Variants in TCIRG1 observed in about 807,000 individuals in gnomAD.
TCIRG1 encodes T cell immune regulator 1, ATPase H+ transporting V0 subunit a3.
TCIRG1 carries 86 observed loss-of-function variants against 95.5 expected under a neutral mutation model. The ratio of observed to expected loss-of-function variants is 0.90; its 90% CI spans 0.76 to 1.08. The LOEUF is 1.08. Ranked by LOEUF, TCIRG1 falls within the 50% of genes least tolerant of loss-of-function variation. The pLI, the probability that TCIRG1 is intolerant of heterozygous loss-of-function variation, is 0.00. For synonymous variants in TCIRG1, 499 were observed against 501.3 expected (o/e 1.00, Z 0.06); for missense variants, 1,069 against 1,140.2 (o/e 0.94, Z 0.90).
chr11:68,042,498 G>T, intron 3 of TCIRG1, 145 bp from the exon 4 acceptor site: 1 of 681,374 alleles, frequency 1.5e-6, no homozygotes. Context: ...CACAGCTTCT[G>T]GATGAAAGTT....
chr11:68,053,539 C>G (rs964955011), downstream of TCIRG1: 3 of 156,578 alleles, frequency 1.9e-5, no homozygotes, highest in African/African-American at 7.2e-5. Flanking sequence ...CTTGCTGTCC[C>G]TTGGGAGTGA....
Position 68,042,796 on chromosome 11 carries a change from C to A in TCIRG1, c.350C>A (p.Ala117Asp). ...CGGGATGTGCGGGGCAACCAGCAGGCCCTGCGGGCCCAGCTGCACCAGCTG... is the reference window on the plus strand; with the variant it reads ...CGGGATGTGCGGGGCAACCAGCAGGACCTGCGGGCCCAGCTGCACCAGCTG... ...ELRDVRGNQQ[A>D]LRAQLHQLQL... The change falls in exon 4 of 20, where the codon GCC becomes GAC. Residue 117 changes from alanine to aspartate, a missense_variant. By Grantham distance (126) the Ala-to-Asp change is moderately radical. Coordinates refer to ENST00000265686, the MANE Select transcript of TCIRG1 (RefSeq NM_006019.4). The A allele has an allele frequency of 6.5e-7, 1 of 1,548,332 alleles. No individual in the cohort carries two copies. The highest frequency in any genetic ancestry group is 8.7e-7 in the Non-Finnish European group (1 of 1,146,392).
At chr11:68,046,438 G>C (rs921699292) in intron 10 of TCIRG1, among the ~76,000 whole-genome samples, 3 of 152,184 alleles carry the variant, frequency 2.0e-5, no homozygotes, top group African/African-American at 7.2e-5. Context: ...TCCTGGGCTT[G>C]GAGCGGCCGT....
In TCIRG1 at chr11:68,039,077, C is replaced by A. The variant is rs955322645; in HGVS notation, c.-47C>A. On this transcript the variant is annotated 5_prime_UTR_variant, in exon 1 of 20. Coordinates refer to ENST00000265686, the MANE Select transcript of TCIRG1 (RefSeq NM_006019.4). The stretch of plus-strand genomic sequence containing the variant: ...TGAGTCCCGCCCGGCGTGCGCGGAG[C>A]GGGGCAGCCAGCAGCGGAGGCGCGG... 2.0e-5 allele frequency: 3 copies of A among 152,286 alleles called. No individual in the cohort carries two copies. The highest frequency in any genetic ancestry group is 7.2e-5 in the African/African-American group (3 of 41,448). 9.4% of individuals were successfully genotyped at this position (152,286 alleles called of 1,614,324 possible). A position where few individuals can be genotyped will look rare whatever the true frequency, so the allele number is the denominator to read the frequency against.
rs757800460 is a variant in TCIRG1, at chr11:68,050,584, C to T, written c.2334C>T (p.Ala778=). The T allele has an allele frequency of 3.4e-5, 55 of 1,613,446 alleles. No individual in the cohort carries two copies. In the Middle Eastern group the frequency reaches 4.9e-4, roughly 14 times the overall value. Residue 778 remains alanine (A), a synonymous_variant, in exon 19 of 20, where the codon GCC becomes GCT. Transcript: ENST00000265686. The stretch of plus-strand genomic sequence containing the variant: ...CTGTGGTGCTGGTCCCCATCTTTGC[C>T]GCCTTTGCCGTGATGACCGTGGCTA... The part of the protein sequence containing the change: ...VAAVVLVPIF[A]AFAVMTVAIL...
downstream of TCIRG1, among the ~76,000 whole-genome samples, chr11:68,051,919 G>C (rs905545411): frequency 6.6e-6 from 1 of 152,162 alleles, no homozygotes; most frequent in African/African-American, 2.4e-5. Context: ...TTTAGGAGGG[G>C]TGCAGTGTGG....
At chr11:68,043,543 C>T (rs1855288910) in intron 6 of TCIRG1, 28 bp from the exon 7 acceptor site, 1 of 1,597,804 alleles carries the variant, frequency 6.3e-7, no homozygotes, top group Non-Finnish European at 8.5e-7. Context: ...AGAGCGGGAC[C>T]CCAGAGTCAG....
In TCIRG1 at chr11:68,042,637, G is replaced by T. The variant is rs1207570949; in HGVS notation, c.197-6G>T. The T allele has an allele frequency of 1.3e-6, 2 of 1,547,188 alleles. No individual in the cohort carries two copies. The highest frequency in any genetic ancestry group is 2.4e-5 in the East Asian group (1 of 40,900). On this transcript the variant is annotated splice_polypyrimidine_tract_variant and splice_region_variant and intron_variant, in intron 3 of 19. Coordinates refer to ENST00000265686, the MANE Select transcript of TCIRG1 (RefSeq NM_006019.4). ...CTGCACCCCACTCCCGTTCCTCTGCGCCCAGCCTTCCTGCAGGAGGAGGTG... is the reference window on the plus strand; with the variant it reads ...CTGCACCCCACTCCCGTTCCTCTGCTCCCAGCCTTCCTGCAGGAGGAGGTG...
downstream of TCIRG1, among the ~76,000 whole-genome samples, chr11:68,051,645 C>T (rs1855799635): frequency 6.6e-6 from 1 of 152,216 alleles, no homozygotes; most frequent in South Asian, 2.1e-4. Flanking sequence ...TTGCTCAGGA[C>T]CTCTGGATGC....
At chr11:68,039,309 G>A (rs955457225) in intron 1 of TCIRG1, among the ~76,000 whole-genome samples, 190 bp downstream of exon 1, 6 of 152,098 alleles carry the variant, frequency 3.9e-5, no homozygotes, top group Non-Finnish European at 7.4e-5. Flanking sequence ...GAAGGATGGG[G>A]TGTTTACCAA....
At position 68,042,666 on chromosome 11, in the gene TCIRG1, C is replaced by T. The variant is rs780788680; in HGVS notation, c.220C>T (p.Arg74Trp). ...AGCCTTCCTGCAGGAGGAGGTGCGG[C>T]GGGCTGGGCTGGTCCTGCCCCCGCC... The part of the protein sequence containing the change: ...TFTFLQEEVR[R>W]AGLVLPPPKG... Residue 74 changes from arginine to tryptophan, a missense_variant, in exon 4 of 20, where the codon CGG (arginine) becomes TGG (tryptophan). Transcript: ENST00000265686. 44 of 1,546,960 alleles carry T rather than the reference C, an allele frequency of 2.8e-5. No homozygotes were observed. The highest frequency in any genetic ancestry group is 8.2e-5 in the African/African-American group (6 of 72,922).
chr11:68,047,855 T>C, intron 12 of TCIRG1, 27 bp from the exon 13 acceptor site: 1 of 1,613,084 alleles, frequency 6.2e-7, no homozygotes, highest in Non-Finnish European at 8.5e-7. Flanking sequence ...CCCGCAGCCC[T>C]GACCGCCCTC....
intron 11 of TCIRG1, 24 bp downstream of exon 11, chr11:68,047,596 G>A: frequency 1.2e-6 from 2 of 1,613,156 alleles, no homozygotes; most frequent in African/African-American, 1.3e-5. Context: ...CTGGGGTCCT[G>A]ATGAGGGTAG....
chr11:68,043,718 C>T (rs1026306516), intron 7 of TCIRG1, 65 bp downstream of exon 7: 6 of 1,542,138 alleles, frequency 3.9e-6, no homozygotes, highest in Non-Finnish European at 4.4e-6. Flanking sequence ...ACCTCCCAGC[C>T]CGCCCTATCG....
chr11:68,048,817 G>T (rs771982882), intron 13 of TCIRG1, 62 bp from the exon 14 acceptor site: 5 of 1,207,504 alleles, frequency 4.1e-6, no homozygotes, highest in Non-Finnish European at 6.1e-6. Flanking sequence ...TCGGGCCGGG[G>T]ACTTCCTGGC....
intron 13 of TCIRG1, 122 bp from the exon 14 acceptor site, chr11:68,048,757 G>A: frequency 2.4e-6 from 2 of 828,282 alleles, no homozygotes; most frequent in Non-Finnish European, 4.2e-6. Context: ...GGTGGGTGAT[G>A]GATGAGGCTG....
In TCIRG1 at chr11:68,043,365, C is replaced by A. The variant is rs1028394725; in HGVS notation, c.504-6C>A. The A allele has an allele frequency of 1.1e-5, 17 of 1,540,026 alleles. No homozygotes were observed. Among genetic ancestry groups the A allele is most frequent in the Non-Finnish European group, 1.1e-5 (13 of 1,146,486 alleles). The stretch of plus-strand genomic sequence containing the variant: ...GAGCAGCCCTGCCCAGCCCCGTGGC[C>A]GCCAGCTTTGTGGCAGGTGCCGTGG... On this transcript the variant is annotated splice_polypyrimidine_tract_variant and splice_region_variant and intron_variant, in intron 5 of 19. Transcript: ENST00000265686.
Position 68,042,692 on chromosome 11 carries a change from A to C in TCIRG1, c.246A>C (p.Pro82=). 1 of 1,545,546 alleles carries C rather than the reference A, an allele frequency of 6.5e-7. No homozygotes were observed. ...VRRAGLVLPP[P]KGRLPAPPPR... ...GGGCTGGGCTGGTCCTGCCCCCGCC[A>C]AAGGGGAGGCTGCCGGCACCCCCAC... is the stretch of plus-strand genomic sequence containing the variant. Residue 82 remains proline (P), a synonymous_variant, in exon 4 of 20, where the codon CCA becomes CCC. Coordinates refer to ENST00000265686, the MANE Select transcript of TCIRG1 (RefSeq NM_006019.4).
rs375770246 is a variant in TCIRG1 at position 68,041,839 on chromosome 11, G to T, written c.196+8G>T. ...AGCTGGAGAAGACCTTCAGTGAGTTGGTCCCAGGCCTACATTCCAGGCAGG... is the reference window on the plus strand; with the variant it reads ...AGCTGGAGAAGACCTTCAGTGAGTTTGTCCCAGGCCTACATTCCAGGCAGG... On this transcript the variant is annotated splice_region_variant and intron_variant, in intron 3 of 19. Transcript: ENST00000265686. The T allele has an allele frequency of 1.2e-6, 2 of 1,602,322 alleles. No homozygotes were observed. Among genetic ancestry groups the T allele is most frequent in the Non-Finnish European group, 1.7e-6 (2 of 1,174,098 alleles).
Sources: allele counts gnomAD v4.1 joint callset (sites outside exome capture counted in the v4.1 genomes callset), GRCh38; gene constraint gnomAD v4.1.1; transcripts MANE v1.5; gene names NCBI Gene and HGNC (gene_info 2026-07-23, HGNC 2026-07-21).